TTC29: variants seen among roughly 807,000 people sequenced by gnomAD.
TTC29 encodes tetratricopeptide repeat domain 29.
In TTC29, 49 loss-of-function variants were observed where a neutral mutation model predicts 58.1. That is an observed-to-expected ratio of 0.84 (90% CI 0.67 to 1.07). The LOEUF is 1.07. Among genes scored for constraint, TTC29 ranks in the 50% least tolerant of loss-of-function variants. The pLI is 0.00. For synonymous variants in TTC29, 209 were observed against 196.8 expected (o/e 1.06, Z -0.52); for missense variants, 582 against 555.6 (o/e 1.05, Z -0.48).
intron 6 of TTC29, among the ~76,000 whole-genome samples, chr4:146,876,404 T>A (rs1579888093): frequency 6.6e-6 from 1 of 152,190 alleles, no homozygotes; most frequent in African/African-American, 2.4e-5. Context: ...AATAACATCA[T>A]GACATATTAA....
intron 6 of TTC29, among the ~76,000 whole-genome samples, chr4:146,883,679 C>T (rs1285711653): frequency 1.3e-5 from 2 of 151,880 alleles, no homozygotes; most frequent in Admixed American, 6.6e-5. Context: ...ACTGTGGGCT[C>T]GGTGCAACTA....
chr4:146,811,842 C>A (rs977230029), intron 10 of TTC29, among the ~76,000 whole-genome samples: 1 of 152,140 alleles, frequency 6.6e-6, no homozygotes, highest in East Asian at 1.9e-4. Flanking sequence ...AGGAAGAGCA[C>A]ATATAACACT....
intron 7 of TTC29, among the ~76,000 whole-genome samples, chr4:146,873,236 G>A (rs1731049831): frequency 6.6e-6 from 1 of 152,136 alleles, no homozygotes. Flanking sequence ...CAAAGTAGGA[G>A]ACAAGAGTAA....
intron 4 of TTC29, among the ~76,000 whole-genome samples, chr4:146,922,570 C>T (rs182892879): frequency 3.2e-4 from 49 of 151,776 alleles, no homozygotes; most frequent in Admixed American, 1.3e-3. Flanking sequence ...TGTAATTAGC[C>T]TATTTAAACC....
At chr4:146,911,323 T>C (rs764788920) in intron 4 of TTC29, among the ~76,000 whole-genome samples, 15 of 152,236 alleles carry the variant, frequency 9.9e-5, no homozygotes, top group East Asian at 1.9e-4. Context: ...AGCAAGGAGA[T>C]GTATCCTAAT....
intron 4 of TTC29, among the ~76,000 whole-genome samples, chr4:146,935,871 T>C (rs538113351): frequency 2.6e-5 from 4 of 152,360 alleles, no homozygotes; most frequent in African/African-American, 7.2e-5. Context: ...TAACAGACTA[T>C]GCATAATTCT....
At chr4:146,860,215 C>T (rs901765641) in intron 8 of TTC29, among the ~76,000 whole-genome samples, 18 of 152,110 alleles carry the variant, frequency 1.2e-4, no homozygotes, top group African/African-American at 4.3e-4. Flanking sequence ...TAAGAACTCT[C>T]TCCCCCCAAA....
intron 11 of TTC29, among the ~76,000 whole-genome samples, chr4:146,718,545 T>C (rs1743108713): frequency 6.6e-6 from 1 of 152,346 alleles, no homozygotes; most frequent in Admixed American, 6.5e-5. Context: ...CCTAGCCTAT[T>C]TTAAAATTAG....
intron 4 of TTC29, among the ~76,000 whole-genome samples, chr4:146,925,658 A>G (rs1319269823): frequency 1.3e-5 from 2 of 152,158 alleles, no homozygotes; most frequent in Non-Finnish European, 1.5e-5. Flanking sequence ...TGAGAAAACA[A>G]TTCCCTTAAT....
chr4:146,820,842 C>T (rs576630093), intron 9 of TTC29, among the ~76,000 whole-genome samples: 1 of 152,164 alleles, frequency 6.6e-6, no homozygotes, highest in Admixed American at 6.5e-5. Flanking sequence ...ACCATCCTGG[C>T]TAACATGGTG....
At chr4:146,885,078 A>G (rs981432580) in intron 6 of TTC29, among the ~76,000 whole-genome samples, 2 of 151,872 alleles carry the variant, frequency 1.3e-5, no homozygotes, top group Admixed American at 6.6e-5. Flanking sequence ...TTTCACATTC[A>G]CTCTATTTAA....
At chr4:146,828,863 T>C (rs1297127635) in intron 9 of TTC29, among the ~76,000 whole-genome samples, 1 of 152,232 alleles carries the variant, frequency 6.6e-6, no homozygotes, top group Non-Finnish European at 1.5e-5. Context: ...AACTTGTTAA[T>C]GTAACATCTG....
At chr4:146,921,453 G>T (rs1198557957) in intron 4 of TTC29, among the ~76,000 whole-genome samples, 4 of 150,936 alleles carry the variant, frequency 2.7e-5, no homozygotes, top group Non-Finnish European at 5.9e-5. Flanking sequence ...AGTAGGCGGA[G>T]AACAAGAATA....
chr4:146,846,336 A>G (rs565854571), intron 8 of TTC29, among the ~76,000 whole-genome samples: 1 of 152,268 alleles, frequency 6.6e-6, no homozygotes, highest in South Asian at 2.1e-4. Flanking sequence ...TTACGAACCC[A>G]AGGGGTCATT....
At chr4:146,708,016 T>C (rs1332407281) in intron 11 of TTC29, among the ~76,000 whole-genome samples, 4 of 151,996 alleles carry the variant, frequency 2.6e-5, no homozygotes, top group Admixed American at 2.6e-4. Flanking sequence ...CAGTCCCAGC[T>C]GAGTCTAGCC....
chr4:146,785,454 C>T (rs1748941330), intron 11 of TTC29, among the ~76,000 whole-genome samples: 1 of 152,160 alleles, frequency 6.6e-6, no homozygotes, highest in African/African-American at 2.4e-5. Context: ...AATATTTCTG[C>T]ACTAGTCAAT....
chr4:146,710,469 T>G (rs1215562566), intron 11 of TTC29, among the ~76,000 whole-genome samples: 1 of 152,208 alleles, frequency 6.6e-6, no homozygotes, highest in Non-Finnish European at 1.5e-5. Context: ...AGAAATGTCC[T>G]TACGCGGTGC....
At chr4:146,727,951 T>C (rs1290542575) in intron 11 of TTC29, among the ~76,000 whole-genome samples, 1 of 152,170 alleles carries the variant, frequency 6.6e-6, no homozygotes, top group Non-Finnish European at 1.5e-5. Context: ...AATTCTCTTT[T>C]AGTACATACG....
chr4:146,761,283 T>C (rs1455349785), intron 11 of TTC29, among the ~76,000 whole-genome samples: 6 of 151,910 alleles, frequency 3.9e-5, no homozygotes, highest in Non-Finnish European at 8.8e-5. Context: ...AAATATAATC[T>C]TAGGTGATAG....
Sources: allele counts gnomAD v4.1 joint callset (sites outside exome capture counted in the v4.1 genomes callset), GRCh38; gene constraint gnomAD v4.1.1; transcripts MANE v1.5; gene names NCBI Gene and HGNC (gene_info 2026-07-23, HGNC 2026-07-21).